The following MBD5 variants were observed in gnomAD, a reference collection of about 807,000 sequenced individuals.
The protein encoded by MBD5 is methyl-CpG binding domain protein 5, also known as methyl-CpG-binding domain protein 5.
A neutral mutation model predicts 117.3 loss-of-function variants in MBD5; 13 were observed. That is an observed-to-expected ratio of 0.11 (90% CI 0.07 to 0.18). The LOEUF is 0.18. Among genes scored for constraint, MBD5 ranks in the 10% least tolerant of loss-of-function variants. The probability of loss-of-function intolerance (pLI) is 1.00; values close to 1 mark genes in which losing one functional copy is unlikely to be tolerated. For synonymous variants in MBD5, 727 were observed against 766.4 expected, an observed-to-expected ratio of 0.95 and a Z score of 0.85; for missense variants, 1,879 against 2,093.8, an observed-to-expected ratio of 0.90 and a Z score of 2.00.
intron 3 of MBD5, among the ~76,000 whole-genome samples, chr2:148,297,782 T>C (rs1701689790): frequency 6.6e-6 from 1 of 152,188 alleles, no homozygotes. Flanking sequence ...TTAGCTTATT[T>C]CTCTCATGGA....
chr2:148,509,468 G>C (rs1371038193), intron 12 of MBD5, among the ~76,000 whole-genome samples: 1 of 152,210 alleles, frequency 6.6e-6, no homozygotes, highest in Non-Finnish European at 1.5e-5. Context: ...TGTTCAAATA[G>C]TTACCTCATT....
intron 4 of MBD5, among the ~76,000 whole-genome samples, chr2:148,358,798 A>G (rs997188874): frequency 7.9e-5 from 12 of 152,102 alleles, no homozygotes; most frequent in Non-Finnish European, 1.8e-4. Flanking sequence ...TCTTAAAAAA[A>G]TTAAAAGACA....
intron 4 of MBD5, among the ~76,000 whole-genome samples, chr2:148,401,153 G>A (rs1704908259): frequency 6.6e-6 from 1 of 152,134 alleles, no homozygotes; most frequent in Non-Finnish European, 1.5e-5. Context: ...TGCCAACCAA[G>A]TAATACTTTC....
chr2:148,350,222 T>C (rs1255820329), intron 4 of MBD5, among the ~76,000 whole-genome samples: 1 of 152,046 alleles, frequency 6.6e-6, no homozygotes, highest in African/African-American at 2.4e-5. Flanking sequence ...AAATTGTGAT[T>C]GCTATTTAGA....
chr2:148,104,057 A>G (rs1158580934), intron 1 of MBD5, among the ~76,000 whole-genome samples: 1 of 152,140 alleles, frequency 6.6e-6, no homozygotes, highest in Non-Finnish European at 1.5e-5. Context: ...ATTCTTCAAT[A>G]AACAGCTTAG....
chr2:148,084,124 C>T (rs1040075391), intron 1 of MBD5, among the ~76,000 whole-genome samples: 1 of 152,176 alleles, frequency 6.6e-6, no homozygotes. Flanking sequence ...CATGGTAGAA[C>T]ACAGATCTGT....
chr2:148,227,319 G>T (rs1272719233), intron 2 of MBD5, among the ~76,000 whole-genome samples: 1 of 152,160 alleles, frequency 6.6e-6, no homozygotes, highest in Non-Finnish European at 1.5e-5. Flanking sequence ...TCCAGTTTCA[G>T]CTTTCTACAT....
intron 4 of MBD5, among the ~76,000 whole-genome samples, chr2:148,375,498 C>T (rs1703965793): frequency 6.6e-6 from 1 of 152,150 alleles, no homozygotes; most frequent in South Asian, 2.1e-4. Flanking sequence ...AATCAAATCC[C>T]TCAGGAAGAT....
chr2:148,177,827 A>G (rs142055774), intron 1 of MBD5, among the ~76,000 whole-genome samples: 1 of 152,324 alleles, frequency 6.6e-6, no homozygotes, highest in East Asian at 1.9e-4. Context: ...CATCTGCACT[A>G]ATGACCAAAA....
chr2:148,401,980 T>C (rs1489288201), intron 4 of MBD5, among the ~76,000 whole-genome samples: 1 of 152,098 alleles, frequency 6.6e-6, no homozygotes, highest in Non-Finnish European at 1.5e-5. Context: ...TAGATTAAGA[T>C]TATGCATTTT....
chr2:148,482,989 A>G (rs1681206148), intron 8 of MBD5, 121 bp from the exon 9 acceptor site: 5 of 1,080,696 alleles, frequency 4.6e-6, no homozygotes, highest in South Asian at 1.5e-5. Context: ...TCTAGTTACA[A>G]TCAATGAAGG....
intron 11 of MBD5, among the ~76,000 whole-genome samples, chr2:148,498,953 A>C (rs903557723): frequency 5.3e-5 from 8 of 152,204 alleles, no homozygotes; most frequent in African/African-American, 1.9e-4. Context: ...TATGTTGAAG[A>C]ATTATTATAT....
At chr2:148,194,832 G>A (rs1031121724) in intron 2 of MBD5, among the ~76,000 whole-genome samples, 2 of 151,138 alleles carry the variant, frequency 1.3e-5, no homozygotes, top group Non-Finnish European at 3.0e-5. Flanking sequence ...AAATAGCAAG[G>A]TGCTAAACTT....
chr2:148,398,371 G>A (rs903754456), intron 4 of MBD5, among the ~76,000 whole-genome samples: 2 of 151,548 alleles, frequency 1.3e-5, no homozygotes, highest in Non-Finnish European at 3.0e-5. Context: ...GTATCTCATT[G>A]TGGTTTTGAT....
chr2:148,365,022 C>T (rs1035755532), intron 4 of MBD5, among the ~76,000 whole-genome samples: 3 of 152,200 alleles, frequency 2.0e-5, no homozygotes, highest in African/African-American at 7.2e-5. Context: ...CACCCCAAAT[C>T]AACAGAATAT....
chr2:148,479,267 A>G (rs1480127185), intron 8 of MBD5, among the ~76,000 whole-genome samples: 2 of 152,160 alleles, frequency 1.3e-5, no homozygotes, highest in Non-Finnish European at 2.9e-5. Flanking sequence ...TCCTGCACCC[A>G]TCTCCTTTCC....
chr2:148,022,839 A>G (rs1264183955), intron 1 of MBD5, among the ~76,000 whole-genome samples: 1 of 152,220 alleles, frequency 6.6e-6, no homozygotes, highest in African/African-American at 2.4e-5. Context: ...AGTTTATGGA[A>G]TAACAATATT....
In MBD5 at chr2:148,144,455, G is replaced by T. The variant is rs192756188; in HGVS notation, c.-924-34245G>T. 7.2e-5 allele frequency among the ~76,000 whole-genome samples: 11 copies of T among 152,292 alleles called. 1 individual carries two copies. The highest frequency in any genetic ancestry group is 2.6e-4 in the African/African-American group (11 of 41,548). On this transcript the variant is annotated intron_variant, in intron 1 of 13. Coordinates refer to ENST00000642680, the MANE Select transcript of MBD5 (RefSeq NM_001378120.1). The stretch of plus-strand genomic sequence containing the variant: ...CTGCAGAAGCTCTTTAGTTTAATTA[G>T]ATCCCATTTGTCAATTTTGGCTTTG...
chr2:148,494,772 TGACAC>T (rs1364569945), intron 11 of MBD5, among the ~76,000 whole-genome samples: 1 of 152,108 alleles, frequency 6.6e-6, no homozygotes, highest in Non-Finnish European at 1.5e-5. Context: ...CCATCCTGGC[TGACAC>T]GGTGAAACCC....
Sources: gnomAD v4.1 joint callset for allele counts (sites outside exome capture counted in the v4.1 genomes callset) on GRCh38, gnomAD v4.1.1 for gene constraint, MANE v1.5 for transcripts, NCBI Gene and HGNC (gene_info 2026-07-23, HGNC 2026-07-21) for gene names.